The following FNDC3A variants were observed in gnomAD, a reference collection of about 807,000 sequenced individuals.
The protein encoded by FNDC3A is fibronectin type-III domain-containing protein 3A.
A neutral mutation model predicts 148.9 loss-of-function variants in FNDC3A; 32 were observed. The observed-to-expected ratio is 0.21, with a 90% confidence interval of 0.16 to 0.29. The LOEUF is 0.29. Ranked by LOEUF, FNDC3A falls within the 10% of genes least tolerant of loss-of-function variation. The pLI, the probability that FNDC3A is intolerant of heterozygous loss-of-function variation, is 1.00. For synonymous variants in FNDC3A, 472 were observed against 473.6 expected (o/e 1.00, Z 0.04); for missense variants, 1,191 against 1,452.8 (o/e 0.82, Z 2.93).
chr13:49,091,697 C>T (rs1053069019), intron 3 of FNDC3A, among the ~76,000 whole-genome samples: 3 of 152,166 alleles, frequency 2.0e-5, no homozygotes, highest in African/African-American at 7.2e-5. Context: ...GTCAACTGAT[C>T]ATAGGGAACT....
At chr13:49,055,375 CA>C (rs1876155410) in intron 2 of FNDC3A, among the ~76,000 whole-genome samples, 1 of 151,880 alleles carries the variant, frequency 6.6e-6, no homozygotes, top group South Asian at 2.1e-4. Context: ...ACCTCTTGGC[CA>C]GGGCACTCCA....
At chr13:49,194,612 A>G (rs1443344388) in intron 19 of FNDC3A, among the ~76,000 whole-genome samples, 1 of 152,190 alleles carries the variant, frequency 6.6e-6, no homozygotes, top group African/African-American at 2.4e-5. Flanking sequence ...AATGTGAATA[A>G]GGAGTTTACT....
At chr13:49,026,905 G>A (rs905964535) in intron 2 of FNDC3A, among the ~76,000 whole-genome samples, 1 of 152,136 alleles carries the variant, frequency 6.6e-6, no homozygotes, top group Non-Finnish European at 1.5e-5. Flanking sequence ...TAAATGCAAT[G>A]GAGTGGGGAG....
chr13:49,013,911 C>T (rs1033540147), intron 2 of FNDC3A, among the ~76,000 whole-genome samples: 4 of 151,596 alleles, frequency 2.6e-5, no homozygotes, highest in Admixed American at 6.6e-5. Flanking sequence ...TCCATGTCCC[C>T]ACAAAGGACA....
At chr13:49,118,027 G>A (rs1233936728) in intron 4 of FNDC3A, among the ~76,000 whole-genome samples, 1 of 152,184 alleles carries the variant, frequency 6.6e-6, no homozygotes, top group Non-Finnish European at 1.5e-5. Flanking sequence ...GATTATGTGA[G>A]GTTAGTGGGC....
chr13:49,086,888 A>C (rs1410496203), intron 3 of FNDC3A, among the ~76,000 whole-genome samples: 1 of 152,166 alleles, frequency 6.6e-6, no homozygotes, highest in African/African-American at 2.4e-5. Context: ...GTTTGTAAAA[A>C]TGAATTATAA....
intron 3 of FNDC3A, among the ~76,000 whole-genome samples, chr13:49,078,332 A>G (rs1858312940): frequency 6.6e-6 from 1 of 152,238 alleles, no homozygotes; most frequent in Non-Finnish European, 1.5e-5. Flanking sequence ...CTAATTTATA[A>G]TGTGCCTGTA....
chr13:48,998,164 C>G (rs1307638853), intron 1 of FNDC3A, among the ~76,000 whole-genome samples: 1 of 152,098 alleles, frequency 6.6e-6, no homozygotes, highest in African/African-American at 2.4e-5. Context: ...CTGAATTATG[C>G]TCATGTTCCA....
At chr13:49,146,960 C>T (rs1462987817) in intron 8 of FNDC3A, 1 of 152,128 alleles carries the variant, frequency 6.6e-6, no homozygotes, top group African/African-American at 2.4e-5. Context: ...TCACAATTAG[C>T]ACAGAACACT....
intron 2 of FNDC3A, among the ~76,000 whole-genome samples, chr13:49,023,419 G>T (rs1021202813): frequency 6.6e-6 from 1 of 151,320 alleles, no homozygotes; most frequent in Non-Finnish European, 1.5e-5. Context: ...ATATTTTGTA[G>T]CGTTTTTATA....
chr13:49,182,049 A>G (rs773386615), intron 14 of FNDC3A, among the ~76,000 whole-genome samples: 20 of 152,156 alleles, frequency 1.3e-4, no homozygotes, highest in Non-Finnish European at 2.9e-5. Flanking sequence ...TGGCACAATC[A>G]TAGTTCACTG....
At chr13:49,000,876 T>C (rs558404707) in intron 1 of FNDC3A, among the ~76,000 whole-genome samples, 2 of 152,320 alleles carry the variant, frequency 1.3e-5, no homozygotes, top group South Asian at 2.1e-4. Context: ...TTCATTGTTA[T>C]ATATAGAAAC....
At chr13:49,147,849 C>T (rs187880575) in intron 8 of FNDC3A, among the ~76,000 whole-genome samples, 2 of 152,156 alleles carry the variant, frequency 1.3e-5, no homozygotes, top group Non-Finnish European at 2.9e-5. Flanking sequence ...ATTCCACCAA[C>T]AGTGTATAAG....
At chr13:49,175,223 G>C in intron 12 of FNDC3A, 144 bp from the exon 13 acceptor site, 3 of 513,266 alleles carry the variant, frequency 5.8e-6, no homozygotes, top group Non-Finnish European at 9.9e-6. Flanking sequence ...TTATCATAAA[G>C]AGATCAAACC....
chr13:49,132,350 A>G (rs1170048057), intron 5 of FNDC3A, among the ~76,000 whole-genome samples: 3 of 152,174 alleles, frequency 2.0e-5, no homozygotes, highest in Non-Finnish European at 4.4e-5. Context: ...TCCCATTGCA[A>G]TTAGAATAAA....
At chr13:49,062,486 T>C (rs1413695597) in intron 2 of FNDC3A, among the ~76,000 whole-genome samples, 1 of 152,228 alleles carries the variant, frequency 6.6e-6, no homozygotes, top group Admixed American at 6.5e-5. Context: ...TTTCTCAAAC[T>C]AGTTTAAATG....
intron 17 of FNDC3A, among the ~76,000 whole-genome samples, chr13:49,188,958 T>C (rs1238293193): frequency 6.6e-6 from 1 of 152,206 alleles, no homozygotes; most frequent in Non-Finnish European, 1.5e-5. Context: ...AAAATAATTA[T>C]AGACCGATTT....
At chr13:49,098,678 T>C (rs1293692409) in intron 3 of FNDC3A, among the ~76,000 whole-genome samples, 5 of 152,236 alleles carry the variant, frequency 3.3e-5, no homozygotes. Flanking sequence ...ATTCTTCAAA[T>C]GTACTCTACT....
intron 2 of FNDC3A, among the ~76,000 whole-genome samples, chr13:49,048,525 G>A (rs998577378): frequency 2.6e-5 from 4 of 151,976 alleles, no homozygotes; most frequent in Non-Finnish European, 4.4e-5. Context: ...TCTTGTAGAC[G>A]TCTTTCACCT....
Sources: allele counts gnomAD v4.1 joint callset (sites outside exome capture counted in the v4.1 genomes callset), GRCh38; gene constraint gnomAD v4.1.1; transcripts MANE v1.5; gene names NCBI Gene and HGNC (gene_info 2026-07-23, HGNC 2026-07-21).